The following WDR49 variants were observed in gnomAD, a reference collection of about 807,000 sequenced individuals.
WDR49 encodes the protein cilia- and flagella-associated protein 337.
Under a neutral mutation model 119.5 loss-of-function variants are expected in WDR49, and 107 were observed. The ratio of observed to expected loss-of-function variants is 0.90; its 90% CI spans 0.77 to 1.05. The LOEUF is 1.05. Among genes scored for constraint, WDR49 ranks in the 50% least tolerant of loss-of-function variants. The pLI is 0.00. For synonymous variants in WDR49, 425 were observed against 418.8 expected (o/e 1.01, Z -0.18); for missense variants, 1,240 against 1,220.5 (o/e 1.02, Z -0.24).
At chr3:167,584,114 A>C (rs2108290619) in intron 7 of WDR49, among the ~76,000 whole-genome samples, 1 of 152,316 alleles carries the variant, frequency 6.6e-6, no homozygotes, top group Non-Finnish European at 1.5e-5. Context: ...AGAGAGTTCA[A>C]GAAAACCTTT....
chr3:167,526,643 A>G (rs1352056179), intron 15 of WDR49, among the ~76,000 whole-genome samples: 3 of 152,134 alleles, frequency 2.0e-5, no homozygotes, highest in Non-Finnish European at 4.4e-5. Context: ...AGATTGCTAC[A>G]GCTCCGGAGT....
At chr3:167,484,510 T>C (rs1355789432) in intron 18 of WDR49, among the ~76,000 whole-genome samples, 1 of 152,064 alleles carries the variant, frequency 6.6e-6, no homozygotes, top group Non-Finnish European at 1.5e-5. Context: ...GTGCCGAGCC[T>C]GCCATGATCT....
intron 10 of WDR49, among the ~76,000 whole-genome samples, chr3:167,549,016 A>G (rs570199307): frequency 6.6e-6 from 1 of 152,326 alleles, no homozygotes; most frequent in South Asian, 2.1e-4. Context: ...TACAAAGGAC[A>G]TGAACTCATC....
chr3:167,607,116 G>A (rs1016028834), intron 5 of WDR49, among the ~76,000 whole-genome samples: 9 of 152,184 alleles, frequency 5.9e-5, no homozygotes, highest in Non-Finnish European at 1.0e-4. Flanking sequence ...TGGGTATGGG[G>A]TAGGACCACT....
intron 7 of WDR49, among the ~76,000 whole-genome samples, chr3:167,595,335 C>T (rs898061620): frequency 2.6e-5 from 4 of 152,102 alleles, no homozygotes; most frequent in Non-Finnish European, 5.9e-5. Flanking sequence ...ATCAAGCTAC[C>T]AATGACTTTC....
chr3:167,571,213 T>C (rs1713918540), intron 8 of WDR49, among the ~76,000 whole-genome samples: 1 of 151,820 alleles, frequency 6.6e-6, no homozygotes, highest in African/African-American at 2.4e-5. Flanking sequence ...GTGAAGAGGG[T>C]CTAGTATTCA....
At chr3:167,627,353 G>C in intron 2 of WDR49, 61 bp from the exon 3 acceptor site, 2 of 1,204,534 alleles carry the variant, frequency 1.7e-6, no homozygotes, top group Non-Finnish European at 2.1e-6. Flanking sequence ...ATGCATGAGA[G>C]AACTGTGCTA....
At chr3:167,627,532 C>T (rs914861044) in intron 2 of WDR49, among the ~76,000 whole-genome samples, 6 of 152,050 alleles carry the variant, frequency 3.9e-5, no homozygotes, top group Non-Finnish European at 8.8e-5. Context: ...GTCCTTGTAT[C>T]GGGAAGAGTA....
chr3:167,639,071 T>A (rs1717753851), intron 2 of WDR49, among the ~76,000 whole-genome samples: 1 of 151,798 alleles, frequency 6.6e-6, no homozygotes, highest in Non-Finnish European at 1.5e-5. Flanking sequence ...TCTAAAGTGA[T>A]GCTTATCACT....
chr3:167,609,482 G>A (rs765597668), intron 5 of WDR49, among the ~76,000 whole-genome samples: 10 of 152,106 alleles, frequency 6.6e-5, no homozygotes, highest in South Asian at 2.1e-4. Flanking sequence ...ACTGGTGCCC[G>A]CCCACAGAGG....
In WDR49 at chr3:167,500,160, A is replaced by C. The variant is rs1464221504; in HGVS notation, c.3024T>G (p.Leu1008=). ...TGATGGCTGAGAACTTACTTTTAAA[A>C]AGTGACGGGGCCTCCAGAATTTGGG... The part of the protein sequence containing the change: ...ERPQILEAPS[L]FKTLKAVFDE... The change falls in exon 18 of 19, where the codon CTT becomes CTG. Residue 1008 remains leucine (L), a synonymous_variant. Transcript: ENST00000682715. 5 of 1,565,224 alleles carry C rather than the reference A, an allele frequency of 3.2e-6. No individual in the cohort carries two copies. The highest frequency in any genetic ancestry group is 4.3e-6 in the Non-Finnish European group (5 of 1,165,598).
intron 8 of WDR49, among the ~76,000 whole-genome samples, chr3:167,566,559 C>A (rs183236930): frequency 6.6e-6 from 1 of 152,116 alleles, no homozygotes; most frequent in African/African-American, 2.4e-5. Context: ...TATTACATAT[C>A]TATTTCAAAG....
intron 9 of WDR49, among the ~76,000 whole-genome samples, chr3:167,557,336 A>T (rs956279425): frequency 1.3e-5 from 2 of 152,240 alleles, no homozygotes; most frequent in Non-Finnish European, 2.9e-5. Flanking sequence ...AGATATATTC[A>T]TATATGTAAA....
At chr3:167,574,057 T>C (rs907775964) in intron 8 of WDR49, among the ~76,000 whole-genome samples, 7 of 152,206 alleles carry the variant, frequency 4.6e-5, no homozygotes, top group Admixed American at 1.3e-4. Flanking sequence ...CTTCGGTTTT[T>C]ACCTCTACTT....
intron 11 of WDR49, among the ~76,000 whole-genome samples, chr3:167,533,642 T>C (rs1752924375): frequency 6.6e-6 from 1 of 151,960 alleles, no homozygotes; most frequent in Non-Finnish European, 1.5e-5. Context: ...AATCCTGAAG[T>C]TTTTCCTACA....
chr3:167,542,938 A>C (rs11705925), intron 10 of WDR49, among the ~76,000 whole-genome samples: 41,884 of 151,830 alleles, frequency 0.28, 5,897 homozygotes, highest in South Asian at 0.32. Context: ...CATATAAGCT[A>C]AATTAGAAAT....
At chr3:167,479,489 C>G (rs1008766441) in intron 18 of WDR49, among the ~76,000 whole-genome samples, 2 of 152,140 alleles carry the variant, frequency 1.3e-5, no homozygotes, top group Admixed American at 6.5e-5. Context: ...TATTGCGCAT[C>G]AGTGAGAAGT....
At chr3:167,545,821 C>T (rs1304050655) in intron 10 of WDR49, among the ~76,000 whole-genome samples, 1 of 150,214 alleles carries the variant, frequency 6.7e-6, no homozygotes, top group African/African-American at 2.4e-5. Context: ...AATAACTTTT[C>T]CTTGCAACCA....
chr3:167,631,014 A>G, intron 2 of WDR49, among the ~76,000 whole-genome samples: 1 of 151,806 alleles, frequency 6.6e-6, no homozygotes. Context: ...GAAATCCGCA[A>G]CAATAAGCAC....
Sources: allele counts gnomAD v4.1 joint callset (sites outside exome capture counted in the v4.1 genomes callset), GRCh38; gene constraint gnomAD v4.1.1; transcripts MANE v1.5; gene names NCBI Gene and HGNC (gene_info 2026-07-23, HGNC 2026-07-21).